BMS1: variants seen among roughly 807,000 people sequenced by gnomAD.
BMS1 encodes ribosome biogenesis protein BMS1 homolog.
In BMS1, 53 loss-of-function variants were observed where a neutral mutation model predicts 138.7. That is an observed-to-expected ratio of 0.38 (90% CI 0.31 to 0.48). The LOEUF (loss-of-function observed/expected upper bound fraction) is 0.48, where lower values mean the gene tolerates loss of function less well. BMS1 is among the 20% of genes least tolerant of loss of function. The probability of loss-of-function intolerance (pLI) is 0.97; values close to 1 mark genes in which losing one functional copy is unlikely to be tolerated. For synonymous variants in BMS1, 504 were observed against 539.9 expected (o/e 0.93, Z 0.92); for missense variants, 1,360 against 1,565.5 (o/e 0.87, Z 2.22).
rs762264017 is a variant in BMS1 at position 42,793,989 on chromosome 10, A to C, written c.1227A>C (p.Gln409His). The change falls in exon 9 of 23, where the codon CAA (glutamine) becomes CAC (histidine). Residue 409 changes from glutamine (Q) to histidine (H), a missense_variant and splice_region_variant. Gln to His is a conservative substitution (Grantham distance 24). Around this residue, in one of 3 missense-constraint regions of BMS1, gnomAD observed 697 missense variants for 686.2 expected, o/e 1.02. Coordinates refer to ENST00000374518, the MANE Select transcript of BMS1 (RefSeq NM_014753.4). Reference sequence around the variant, plus strand: ...TTGGGTCAGAGGATATAGATAATCAAGGGTAAGTCTGCTTTTTTTCTATTT... The same window carrying C: ...TTGGGTCAGAGGATATAGATAATCACGGGTAAGTCTGCTTTTTTTCTATTT... The part of the protein sequence containing the change: ...KPLGSEDIDN[Q>H]GLMMPKEEKQ... 2.5e-6 allele frequency: 4 copies of C among 1,611,274 alleles called. No homozygotes were observed. Among genetic ancestry groups the C allele is most frequent in the Non-Finnish European group, 3.4e-6 (4 of 1,179,696 alleles).
At chr10:42,808,443 C>T (rs539000504) in intron 13 of BMS1, among the ~76,000 whole-genome samples, 16 of 151,776 alleles carry the variant, frequency 1.1e-4, no homozygotes, top group South Asian at 6.2e-4. Flanking sequence ...GGACTACAGG[C>T]GCCCACCACC....
intron 1 of BMS1, among the ~76,000 whole-genome samples, 172 bp downstream of exon 1, chr10:42,783,002 A>T (rs1437855608): frequency 6.6e-6 from 1 of 151,880 alleles, no homozygotes. Context: ...TAGTTGGGTG[A>T]GTGACGTGAT....
chr10:42,800,565 C>T (rs1185000625), intron 12 of BMS1, among the ~76,000 whole-genome samples: 14 of 138,388 alleles, frequency 1.0e-4, no homozygotes, highest in Admixed American at 3.1e-4. Flanking sequence ...TTCGCTCTGT[C>T]GCCCAGGCTG....
At chr10:42,824,382 T>A (rs1842583075) in intron 21 of BMS1, among the ~76,000 whole-genome samples, 1 of 152,246 alleles carries the variant, frequency 6.6e-6, no homozygotes, top group Admixed American at 6.5e-5. Context: ...TTTTGGATAT[T>A]AACACTTTAT....
At position 42,822,073 on chromosome 10, in the gene BMS1, G is replaced by T. The variant is rs1156400955; in HGVS notation, c.3021G>T (p.Arg1007=). ...QSVSGIMPDF[R]IAATGVVLDL... ...GGGGTTCCTGTTAGCCTGATTTTCG[G>T]ATAGCTGCTACAGGAGTTGTCCTTG... The change falls in exon 19 of 23, where the codon CGG becomes CGT. Residue 1007 remains arginine (R), a synonymous_variant. Transcript: ENST00000374518. 6.3e-7 allele frequency: 1 copy of T among 1,594,114 alleles called. No homozygotes were observed. The highest frequency in any genetic ancestry group is 8.5e-7 in the Non-Finnish European group (1 of 1,178,030).
chr10:42,786,589 C>CT (rs767043438), intron 3 of BMS1, among the ~76,000 whole-genome samples: 1,736 of 142,104 alleles, frequency 0.012, 21 homozygotes, highest in African/African-American at 0.032. Flanking sequence ...CTTTTTTTTC[C>CT]TTTTTTTTTT....
chr10:42,830,722 C>T, intron 22 of BMS1, 144 bp from the exon 23 acceptor site: 1 of 791,218 alleles, frequency 1.3e-6, no homozygotes, highest in South Asian at 1.9e-5. Flanking sequence ...GTCTCCATGC[C>T]AACAATGACT....
intron 13 of BMS1, among the ~76,000 whole-genome samples, chr10:42,813,822 A>G (rs1205729262): frequency 6.6e-6 from 1 of 152,102 alleles, no homozygotes; most frequent in Non-Finnish European, 1.5e-5. Flanking sequence ...ACAAATTCCT[A>G]TATTCTCTTC....
chr10:42,794,240 A>C (rs1342978276), intron 9 of BMS1, among the ~76,000 whole-genome samples: 2 of 152,126 alleles, frequency 1.3e-5, no homozygotes, highest in African/African-American at 4.8e-5. Flanking sequence ...GCCATCTTCC[A>C]TAGGTTGCCT....
At chr10:42,811,767 G>T (rs1375847465) in intron 13 of BMS1, among the ~76,000 whole-genome samples, 1 of 150,476 alleles carries the variant, frequency 6.6e-6, no homozygotes, top group East Asian at 2.0e-4. Flanking sequence ...CTCGTGATCC[G>T]CCCGCCTCGG....
chr10:42,793,150 G>A lies in BMS1; in HGVS notation c.1089+6G>A, dbSNP rs370430219. ...GTGGCAGCCACGTTTTTCAGGTATC[G>A]GTGAGACGGGAGTCATTTCTCTGAA... is the stretch of plus-strand genomic sequence containing the variant. On this transcript the variant is annotated splice_donor_region_variant and intron_variant, in intron 8 of 22. Coordinates refer to ENST00000374518, the MANE Select transcript of BMS1 (RefSeq NM_014753.4). 1.5e-5 allele frequency: 24 copies of A among 1,595,398 alleles called. No individual in the cohort carries two copies. The highest frequency in any genetic ancestry group is 2.3e-5 in the South Asian group (2 of 87,708).
intron 15 of BMS1, among the ~76,000 whole-genome samples, chr10:42,818,837 G>A (rs1015331332): frequency 5.3e-5 from 8 of 152,190 alleles, no homozygotes; most frequent in African/African-American, 1.2e-4. Context: ...GATTGTGGCC[G>A]TGAGTCCTGA....
intron 13 of BMS1, among the ~76,000 whole-genome samples, chr10:42,807,843 A>G (rs887755785): frequency 7.0e-6 from 1 of 143,834 alleles, no homozygotes; most frequent in African/African-American, 2.5e-5. Flanking sequence ...GCTGGGTCAT[A>G]TGGTAATTGC....
intron 13 of BMS1, among the ~76,000 whole-genome samples, chr10:42,806,831 A>G (rs1430020633): frequency 1.1e-4 from 16 of 151,960 alleles, no homozygotes; most frequent in Admixed American, 1.1e-3. Flanking sequence ...GTTTGAGGTA[A>G]TTGTAGATTG....
chr10:42,818,660 G>A (rs572206055), intron 15 of BMS1, among the ~76,000 whole-genome samples: 2 of 152,292 alleles, frequency 1.3e-5, no homozygotes, highest in East Asian at 3.9e-4. Flanking sequence ...TGTTTGGTTC[G>A]GCTGGGTATC....
rs547046927 is a variant in BMS1 at position 42,815,613 on chromosome 10, G to A, written c.2330-986G>A. On this transcript the variant is annotated intron_variant, in intron 13 of 22. Transcript: ENST00000374518. ...GTCTCACTCTGTCACCCAGGCTGGA[G>A]TTCAGTGATGCAATTATGGCTCACT... Among the ~76,000 whole-genome samples, 4 of 152,226 alleles carry A rather than the reference G, an allele frequency of 2.6e-5. No homozygotes were observed. In the South Asian group the frequency reaches 8.3e-4, roughly 32 times the overall value.
In BMS1 at chr10:42,796,919, G is replaced by A. The variant is rs1213047975; in HGVS notation, c.1675G>A (p.Asp559Asn). ...GCTGTCACCAGCTAATTGCCAGAGT[G>A]ACCGTGTGAATCTGGAGAAGTCTTT... ...AGLSPANCQSDRVNLEKSLLM... is the reference protein window; with the variant it reads ...AGLSPANCQSNRVNLEKSLLM... Residue 559 changes from aspartate to asparagine, a missense_variant, in exon 10 of 23, where the codon GAC (aspartate) becomes AAC (asparagine). Asp to Asn is a conservative substitution (Grantham distance 23). Transcript: ENST00000374518. The A allele has an allele frequency of 1.2e-6, 2 of 1,614,210 alleles. No homozygotes were observed. The highest frequency in any genetic ancestry group is 2.2e-5 in the South Asian group (2 of 91,076).
Position 42,792,380 on chromosome 10 carries a change from G to C in BMS1, c.780-113G>C, listed in dbSNP as rs529291322. The C allele has an allele frequency of 1.9e-4, 279 of 1,432,374 alleles. 5 individuals carry two copies. In the South Asian group the frequency reaches 3.8e-3, roughly 19 times the overall value. 88.7% of individuals were successfully genotyped at this position (1,432,374 alleles called of 1,614,324 possible). A position where few individuals can be genotyped will look rare whatever the true frequency, so the allele number is the denominator to read the frequency against. On this transcript the variant is annotated intron_variant, in intron 6 of 22. Transcript: ENST00000374518. Reference sequence around the variant, plus strand: ...TGCCTCCTTATTTCTGCATTTTCTAGTTTTCTAAATGACGTGCTTAATGGA... The same window carrying C: ...TGCCTCCTTATTTCTGCATTTTCTACTTTTCTAAATGACGTGCTTAATGGA...
rs768496860 is a variant in BMS1, at chr10:42,793,034, T to C, written c.979T>C (p.Cys327Arg). The C allele has an allele frequency of 3.1e-6, 5 of 1,614,028 alleles. No individual in the cohort carries two copies. The African/African-American group carries it at 5.3e-5, about 17-fold the overall frequency. The change falls in exon 8 of 23, where the codon TGT becomes CGT. Residue 327 changes from cysteine to arginine, a missense_variant. Coordinates refer to ENST00000374518, the MANE Select transcript of BMS1 (RefSeq NM_014753.4). ...CALPEQQKKR[C>R]LNEKEKLVYA... Reference sequence around the variant, plus strand: ...TCTTCCTGAACAACAAAAGAAGCGCTGTTTAAATGAGAAGGAGAAGCTGGT... The same window carrying C: ...TCTTCCTGAACAACAAAAGAAGCGCCGTTTAAATGAGAAGGAGAAGCTGGT...
Sources: allele counts gnomAD v4.1 joint callset (sites outside exome capture counted in the v4.1 genomes callset), GRCh38; gene constraint gnomAD v4.1.1; regional missense constraint gnomAD v4.1.1; transcripts MANE v1.5; gene names NCBI Gene and HGNC (gene_info 2026-07-23, HGNC 2026-07-21).